TBC1D5: variants seen among roughly 807,000 people sequenced by gnomAD.
TBC1D5 encodes TBC1 domain family member 5, also known as TBC1 domain family, member 5.
TBC1D5 carries 75 observed loss-of-function variants against 100.3 expected under a neutral mutation model. The ratio of observed to expected loss-of-function variants is 0.75; its 90% CI spans 0.62 to 0.91. The LOEUF (loss-of-function observed/expected upper bound fraction) is 0.91, where lower values mean the gene tolerates loss of function less well. Among genes scored for constraint, TBC1D5 ranks in the 40% least tolerant of loss-of-function variants. The probability of loss-of-function intolerance (pLI) is 0.00; values close to 1 mark genes in which losing one functional copy is unlikely to be tolerated. For synonymous variants in TBC1D5, 323 were observed against 325.6 expected (o/e 0.99, Z 0.09); for missense variants, 910 against 942.4 (o/e 0.97, Z 0.45).
chr3:17,330,241 C>T (rs1188318075), intron 13 of TBC1D5, among the ~76,000 whole-genome samples: 4 of 152,122 alleles, frequency 2.6e-5, no homozygotes, highest in African/African-American at 4.8e-5. Context: ...ATTCCCTTTC[C>T]CTACAATCCA....
At chr3:17,692,540 G>A (rs1288071783) in intron 1 of TBC1D5, among the ~76,000 whole-genome samples, 1 of 152,186 alleles carries the variant, frequency 6.6e-6, no homozygotes, top group Non-Finnish European at 1.5e-5. Context: ...TAGAATAAAA[G>A]AGGTCTAAAC....
In TBC1D5 at chr3:17,470,875, C is replaced by T. The variant is rs557196739; in HGVS notation, c.97+37599G>A. Among the ~76,000 whole-genome samples the T allele has an allele frequency of 9.1e-4, 139 of 152,140 alleles. 1 individual carries two copies. The highest frequency in any genetic ancestry group is 1.1e-3 in the Non-Finnish European group (76 of 67,998). ...GGCAGAAGTTGCAGTGAGCCAAGATCGCACCACTGTACTCCAGCCCGGACG... is the reference window on the plus strand; with the variant it reads ...GGCAGAAGTTGCAGTGAGCCAAGATTGCACCACTGTACTCCAGCCCGGACG... On this transcript the variant is annotated intron_variant, in intron 3 of 21. Transcript: ENST00000253692.
At chr3:17,666,480 CATTTA>C (rs2067264670) in intron 1 of TBC1D5, among the ~76,000 whole-genome samples, 1 of 152,268 alleles carries the variant, frequency 6.6e-6, no homozygotes, top group South Asian at 2.1e-4. Flanking sequence ...TCCCAAGCAT[CATTTA>C]ATTATAAGCA....
At chr3:17,372,784 T>C (rs1286471675) in intron 12 of TBC1D5, among the ~76,000 whole-genome samples, 1 of 152,242 alleles carries the variant, frequency 6.6e-6, no homozygotes, top group Non-Finnish European at 1.5e-5. Context: ...CAAAAGGTTA[T>C]TATTCCAAAA....
At chr3:17,351,951 A>G (rs960945691) in intron 13 of TBC1D5, among the ~76,000 whole-genome samples, 3 of 150,746 alleles carry the variant, frequency 2.0e-5, no homozygotes, top group African/African-American at 7.3e-5. Flanking sequence ...CCCCAAAAAA[A>G]CCCTCAAACA....
At chr3:17,297,970 T>G (rs951638727) in intron 14 of TBC1D5, among the ~76,000 whole-genome samples, 5 of 152,274 alleles carry the variant, frequency 3.3e-5, no homozygotes, top group Admixed American at 2.6e-4. Context: ...AAGCCCAAGT[T>G]CTACCTCCGC....
chr3:17,179,662 C>G (rs753680762), intron 19 of TBC1D5, among the ~76,000 whole-genome samples: 6 of 152,168 alleles, frequency 3.9e-5, no homozygotes, highest in Non-Finnish European at 5.9e-5. Flanking sequence ...AAATAAAGAA[C>G]AGCTAGGTTG....
intron 15 of TBC1D5, among the ~76,000 whole-genome samples, chr3:17,287,498 T>C (rs2150065933): frequency 6.6e-6 from 1 of 152,348 alleles, no homozygotes; most frequent in East Asian, 1.9e-4. Flanking sequence ...ACAGTCATGA[T>C]GCCACTCTAG....
intron 2 of TBC1D5, among the ~76,000 whole-genome samples, chr3:17,563,337 G>A (rs1017047067): frequency 3.3e-5 from 5 of 152,156 alleles, no homozygotes; most frequent in African/African-American, 1.2e-4. Context: ...TGGGAGTCTT[G>A]CATACAAAGT....
rs958862877 is a variant in TBC1D5, at chr3:17,199,078, T to C, written c.1753-13870A>G. Among the ~76,000 whole-genome samples, 3 of 152,354 alleles carry C rather than the reference T, an allele frequency of 2.0e-5. No individual in the cohort carries two copies. In the East Asian group the frequency reaches 5.8e-4, roughly 29 times the overall value. Reference sequence around the variant, plus strand: ...CAAGGTTCCGCATTTAAACGTTTTATAGTTAGTCCATCTTGGAAATTTAAA... The same window carrying C: ...CAAGGTTCCGCATTTAAACGTTTTACAGTTAGTCCATCTTGGAAATTTAAA... On this transcript the variant is annotated intron_variant, in intron 18 of 21. Transcript: ENST00000253692.
rs190745290 is a variant in TBC1D5 at position 17,734,893 on chromosome 3, C to G, written c.-101+4450G>C. 3.1e-3 allele frequency among the ~76,000 whole-genome samples: 462 copies of G among 151,376 alleles called. 5 individuals are homozygous for G. The highest frequency in any genetic ancestry group is 0.011 in the African/African-American group (438 of 41,212). On this transcript the variant is annotated intron_variant, in intron 1 of 21. Transcript: ENST00000253692. ...TTGAGCCCCGACGTTTGAGACCAGC[C>G]TGGGCAACATAGAGAGACATGGTCT...
exon 22 of TBC1D5, chr3:17,159,030 A>G (rs1184836287): frequency 6.6e-6 from 1 of 152,240 alleles, no homozygotes; most frequent in Admixed American, 6.5e-5. Flanking sequence ...CGGCTTTTAC[A>G]AAGTGTTGTC....
intron 1 of TBC1D5, among the ~76,000 whole-genome samples, chr3:17,668,269 G>A (rs764018538): frequency 6.6e-6 from 1 of 150,828 alleles, no homozygotes; most frequent in Non-Finnish European, 1.5e-5. Context: ...CTAGAGGAAT[G>A]GGGGGGTGGC....
chr3:17,697,973 T>C (rs796070774), intron 1 of TBC1D5, among the ~76,000 whole-genome samples: 51 of 151,132 alleles, frequency 3.4e-4, no homozygotes, highest in African/African-American at 8.8e-4. Context: ...CTGCCCAAGG[T>C]AATTTACAGA....
In TBC1D5 at chr3:17,423,793, T is replaced by C. The variant is rs553890833; in HGVS notation, c.167+4657A>G. On this transcript the variant is annotated intron_variant, in intron 4 of 21. Transcript: ENST00000253692. ...TATAATGTACACATTTAATTTAAAA[T>C]AATCTACAATGATTTATATTCTATC... 2.6e-5 allele frequency among the ~76,000 whole-genome samples: 4 copies of C among 152,302 alleles called. No homozygotes were observed. In the South Asian group the frequency reaches 6.2e-4, roughly 24 times the overall value.
chr3:17,428,309 T>C (rs780659871), intron 4 of TBC1D5, 141 bp downstream of exon 4: 198 of 247,052 alleles, frequency 8.0e-4, no homozygotes, highest in African/African-American at 4.0e-3. Context: ...TTGGTCACCT[T>C]GTTAAAACAC....
chr3:17,641,700 A>AT (rs917661792), intron 1 of TBC1D5, among the ~76,000 whole-genome samples: 6 of 151,868 alleles, frequency 4.0e-5, no homozygotes, highest in East Asian at 3.9e-4. Flanking sequence ...TTCCCAGAGC[A>AT]TTTTTTTTCT....
intron 4 of TBC1D5, among the ~76,000 whole-genome samples, chr3:17,413,952 G>C (rs931810648): frequency 6.6e-6 from 1 of 152,172 alleles, no homozygotes; most frequent in African/African-American, 2.4e-5. Context: ...TGAAATTGCT[G>C]AGTGGTTAAG....
At chr3:17,253,382 C>T in intron 16 of TBC1D5, among the ~76,000 whole-genome samples, 1 of 152,186 alleles carries the variant, frequency 6.6e-6, no homozygotes, top group East Asian at 1.9e-4. Flanking sequence ...CTAAAGTGCT[C>T]TTTCTGAAGA....
Sources: gnomAD v4.1 joint callset for allele counts (sites outside exome capture counted in the v4.1 genomes callset) on GRCh38, gnomAD v4.1.1 for gene constraint, MANE v1.5 for transcripts, NCBI Gene and HGNC (gene_info 2026-07-23, HGNC 2026-07-21) for gene names.